The following SPAM1 variants were observed in gnomAD, a reference collection of about 807,000 sequenced individuals.
The protein encoded by SPAM1 is sperm adhesion molecule 1, also known as hyaluronidase PH-20.
In SPAM1, 22 loss-of-function variants were observed where a neutral mutation model predicts 29.6. The ratio of observed to expected loss-of-function variants is 0.74; its 90% confidence interval spans 0.53 to 1.06. SPAM1 has a LOEUF of 1.06. SPAM1 is among the 50% of genes least tolerant of loss of function. The pLI, the probability that SPAM1 is intolerant of heterozygous loss-of-function variation, is 0.00. For synonymous variants in SPAM1, 194 were observed against 204.6 expected, an observed-to-expected ratio of 0.95 and a Z score of 0.44; for missense variants, 534 against 604.0, an observed-to-expected ratio of 0.88 and a Z score of 1.21.
chr7:123,968,005 G>T (rs1792450526), intron 5 of SPAM1, among the ~76,000 whole-genome samples: 1 of 152,002 alleles, frequency 6.6e-6, no homozygotes, highest in Non-Finnish European at 1.5e-5. Context: ...GGATGTGGGA[G>T]GGTCAAGGGA....
intron 1 of SPAM1, among the ~76,000 whole-genome samples, chr7:123,934,472 A>G (rs1457721002): frequency 6.6e-6 from 1 of 152,196 alleles, no homozygotes; most frequent in Non-Finnish European, 1.5e-5. Context: ...CATATTACCC[A>G]GAACTCCCAC....
At chr7:123,926,581 T>C (rs1157109855) in intron 1 of SPAM1, among the ~76,000 whole-genome samples, 2 of 152,178 alleles carry the variant, frequency 1.3e-5, no homozygotes, top group Non-Finnish European at 2.9e-5. Flanking sequence ...CCTGAGAACA[T>C]GTGTCCAAGG....
chr7:123,959,218 A>C (rs1328989330), intron 4 of SPAM1, among the ~76,000 whole-genome samples: 1 of 152,042 alleles, frequency 6.6e-6, no homozygotes, highest in Non-Finnish European at 1.5e-5. Context: ...TTATGTTATG[A>C]ATTACAGAGG....
At chr7:123,957,460 A>G (rs1466326183) in intron 4 of SPAM1, among the ~76,000 whole-genome samples, 1 of 152,042 alleles carries the variant, frequency 6.6e-6, no homozygotes, top group East Asian at 1.9e-4. Context: ...AGGGTTATAC[A>G]ATGTCACACT....
intron 1 of SPAM1, among the ~76,000 whole-genome samples, chr7:123,933,811 C>T (rs955166524): frequency 2.0e-5 from 3 of 152,038 alleles, no homozygotes; most frequent in Non-Finnish European, 4.4e-5. Flanking sequence ...ATACAAATGG[C>T]CAAGAAGTAC....
Position 123,953,523 on chromosome 7 carries a change from A to G in SPAM1, c.-48A>G, listed in dbSNP as rs1326853288. 1 of 1,289,138 alleles carries G rather than the reference A, an allele frequency of 7.8e-7. No homozygotes were observed. 79.9% of individuals were successfully genotyped at this position (1,289,138 alleles called of 1,614,324 possible). A position where few individuals can be genotyped will look rare whatever the true frequency, so the allele number is the denominator to read the frequency against. ...CTTTGCATCAGATATTGGGTAAACC[A>G]AAGTGTGTAGGAAGAAATAAATGTT... On this transcript the variant is annotated 5_prime_UTR_variant, in exon 3 of 5. Transcript: ENST00000682466.
intron 4 of SPAM1, among the ~76,000 whole-genome samples, chr7:123,956,507 A>G (rs1456282561): frequency 6.6e-6 from 1 of 151,970 alleles, no homozygotes; most frequent in Non-Finnish European, 1.5e-5. Context: ...TTTTCGTTCC[A>G]TTTTATTATA....
intron 5 of SPAM1, among the ~76,000 whole-genome samples, chr7:123,966,453 A>G (rs1563034756): frequency 2.0e-5 from 3 of 152,132 alleles, no homozygotes; most frequent in Admixed American, 2.0e-4. Context: ...TCATTCTATT[A>G]TAAAGACACA....
intron 1 of SPAM1, among the ~76,000 whole-genome samples, chr7:123,927,160 T>G (rs935799589): frequency 3.9e-4 from 60 of 152,186 alleles, no homozygotes; most frequent in African/African-American, 1.4e-3. Flanking sequence ...TTATTGTTTG[T>G]AGGGCATGAC....
chr7:123,937,670 A>G (rs966931856), intron 1 of SPAM1, among the ~76,000 whole-genome samples: 3 of 151,544 alleles, frequency 2.0e-5, no homozygotes, highest in African/African-American at 7.3e-5. Flanking sequence ...TGGAATTTAG[A>G]TAGATTTAGG....
At chr7:123,927,348 T>C (rs1257057601) in intron 1 of SPAM1, among the ~76,000 whole-genome samples, 1 of 152,182 alleles carries the variant, frequency 6.6e-6, no homozygotes, top group Non-Finnish European at 1.5e-5. Context: ...TGAGAAGTGC[T>C]CATTTTAAGG....
intron 1 of SPAM1, among the ~76,000 whole-genome samples, chr7:123,929,137 T>C (rs1180110173): frequency 6.6e-6 from 1 of 152,188 alleles, no homozygotes; most frequent in Non-Finnish European, 1.5e-5. Flanking sequence ...TCTGGGGCTT[T>C]GAGGTTAATG....
intron 1 of SPAM1, among the ~76,000 whole-genome samples, chr7:123,946,822 C>T (rs1808588410): frequency 6.6e-6 from 1 of 152,132 alleles, no homozygotes; most frequent in African/African-American, 2.4e-5. Context: ...ATCAGATACG[C>T]ATGTCTCAGG....
chr7:123,946,430 C>T (rs1005845388), intron 1 of SPAM1, among the ~76,000 whole-genome samples: 5 of 152,102 alleles, frequency 3.3e-5, no homozygotes, highest in Non-Finnish European at 7.4e-5. Context: ...TGCAGAGTCC[C>T]TTCCATTGGT....
chr7:123,943,460 A>G (rs1808489295), intron 1 of SPAM1, among the ~76,000 whole-genome samples: 1 of 152,196 alleles, frequency 6.6e-6, no homozygotes, highest in Non-Finnish European at 1.5e-5. Context: ...CATAATAATC[A>G]TAATTATTAC....
chr7:123,957,158 A>G (rs756026865), intron 4 of SPAM1, among the ~76,000 whole-genome samples: 8 of 152,014 alleles, frequency 5.3e-5, no homozygotes, highest in Non-Finnish European at 1.2e-4. Context: ...GGAACTTATG[A>G]GTACTTAAAA....
chr7:123,957,524 A>G (rs1421501070), intron 4 of SPAM1, among the ~76,000 whole-genome samples: 2 of 152,072 alleles, frequency 1.3e-5, no homozygotes, highest in African/African-American at 2.4e-5. Flanking sequence ...ATTCAAAAAT[A>G]TTGGATTGTT....
chr7:123,962,253 G>A (rs1383493404), downstream of SPAM1, among the ~76,000 whole-genome samples: 6 of 151,726 alleles, frequency 4.0e-5, no homozygotes, highest in East Asian at 1.9e-4. Flanking sequence ...TTTGATTTGC[G>A]TTTCCCTGAT....
intron 5 of SPAM1, among the ~76,000 whole-genome samples, chr7:123,965,542 C>T (rs1792413209): frequency 6.6e-6 from 1 of 152,034 alleles, no homozygotes; most frequent in African/African-American, 2.4e-5. Flanking sequence ...TCTCCCAGTA[C>T]CATTTATGAA....
Sources: allele counts gnomAD v4.1 joint callset (sites outside exome capture counted in the v4.1 genomes callset), GRCh38; gene constraint gnomAD v4.1.1; transcripts MANE v1.5; gene names NCBI Gene and HGNC (gene_info 2026-07-23, HGNC 2026-07-21).